The following ABAT variants were observed in gnomAD, a reference collection of about 807,000 sequenced individuals.
ABAT encodes 4-aminobutyrate aminotransferase.
A neutral mutation model predicts 64.6 loss-of-function variants in ABAT; 45 were observed. That is an observed-to-expected ratio of 0.70 (90% CI 0.55 to 0.89). The LOEUF (loss-of-function observed/expected upper bound fraction) is 0.89. Ranked by LOEUF, ABAT falls within the 40% of genes least tolerant of loss-of-function variation. The pLI, the probability that ABAT is intolerant of heterozygous loss-of-function variation, is 0.00. For missense variants in ABAT, 633 were observed against 658.4 expected (o/e 0.96, Z 0.42); for synonymous variants, 297 against 250.5 (o/e 1.19, Z -1.75).
intron 1 of ABAT, among the ~76,000 whole-genome samples, chr16:8,688,000 G>A (rs746291369): frequency 3.3e-5 from 5 of 151,962 alleles, no homozygotes; most frequent in African/African-American, 7.3e-5. Context: ...TAGGCTCAAG[G>A]GATCCTCCTG....
At chr16:8,733,134 C>T (rs967997486) in intron 1 of ABAT, among the ~76,000 whole-genome samples, 1 of 150,344 alleles carries the variant, frequency 6.7e-6, no homozygotes, top group South Asian at 2.1e-4. Context: ...CTGACCCCCC[C>T]CCACCTCCCT....
chr16:8,718,618 G>C (rs1410271952), intron 1 of ABAT, among the ~76,000 whole-genome samples: 1 of 152,184 alleles, frequency 6.6e-6, no homozygotes, highest in African/African-American at 2.4e-5. Flanking sequence ...GCTTCCCAGA[G>C]CTGGTCTCTG....
chr16:8,710,923 G>T (rs772748495), intron 1 of ABAT, among the ~76,000 whole-genome samples: 9 of 152,162 alleles, frequency 5.9e-5, no homozygotes, highest in African/African-American at 2.4e-5. Context: ...ATTACAACCA[G>T]CAACCAACAT....
chr16:8,711,772 A>ATGGATGGGTGGATGGATGGGAGGATGGG (rs1567279795), intron 1 of ABAT, among the ~76,000 whole-genome samples: 1 of 122,736 alleles, frequency 8.1e-6, no homozygotes, highest in Admixed American at 8.5e-5. Context: ...AGATGGATGG[A>ATGGATGGGTGGATGGATGGGAGGATGGG]TGGATGGATG....
intron 2 of ABAT, chr16:8,738,381 C>T: frequency 2.2e-6 from 1 of 455,500 alleles, no homozygotes; most frequent in Admixed American, 2.4e-5. Context: ...TACCATTAAC[C>T]AAACTCCAGA....
chr16:8,703,103 G>C (rs76849483), intron 1 of ABAT, among the ~76,000 whole-genome samples: 2,147 of 151,994 alleles, frequency 0.014, 49 homozygotes, highest in African/African-American at 0.049. Flanking sequence ...TATATGAAAG[G>C]ATACTGGCTT....
At chr16:8,755,179 G>A (rs72770141) in intron 5 of ABAT, among the ~76,000 whole-genome samples, 8 of 151,896 alleles carry the variant, frequency 5.3e-5, no homozygotes, top group Non-Finnish European at 7.4e-5. Flanking sequence ...TCAAGTCCTG[G>A]TTGGCCCCAC....
chr16:8,715,465 T>C (rs754310167), intron 1 of ABAT: 1 of 151,418 alleles, frequency 6.6e-6, no homozygotes, highest in Admixed American at 6.6e-5. Context: ...AAAAAATAAA[T>C]ATAAAAATAA....
intron 5 of ABAT, among the ~76,000 whole-genome samples, chr16:8,756,588 T>G (rs147527094): frequency 6.6e-6 from 1 of 152,188 alleles, no homozygotes; most frequent in Admixed American, 6.5e-5. Context: ...AGAAGCAACC[T>G]GCTTCTTCTA....
intron 1 of ABAT, among the ~76,000 whole-genome samples, chr16:8,679,737 T>C (rs1379924171): frequency 6.6e-6 from 1 of 151,972 alleles, no homozygotes; most frequent in African/African-American, 2.4e-5. Context: ...CAGTGGGGGC[T>C]CCTGAGGCCC....
intron 1 of ABAT, among the ~76,000 whole-genome samples, chr16:8,687,625 A>G (rs1188506979): frequency 6.6e-6 from 1 of 152,148 alleles, no homozygotes; most frequent in Non-Finnish European, 1.5e-5. Context: ...AAATCAGATC[A>G]TTTGCGGGTC....
chr16:8,766,648 C>G (rs2059954793), intron 9 of ABAT, among the ~76,000 whole-genome samples: 3 of 150,450 alleles, frequency 2.0e-5, no homozygotes, highest in Non-Finnish European at 4.4e-5. Flanking sequence ...GAGTGAGACT[C>G]CTCTCAAAAC....
intron 1 of ABAT, among the ~76,000 whole-genome samples, chr16:8,697,227 A>G (rs911820591): frequency 9.9e-5 from 15 of 152,192 alleles, no homozygotes; most frequent in African/African-American, 3.1e-4. Context: ...GGGACACAGC[A>G]GATGCATGGC....
intron 1 of ABAT, among the ~76,000 whole-genome samples, chr16:8,728,387 G>A (rs2058619904): frequency 6.6e-6 from 1 of 152,170 alleles, no homozygotes; most frequent in African/African-American, 2.4e-5. Flanking sequence ...AGTTCTCTGA[G>A]ACATTCGGAG....
intron 5 of ABAT, among the ~76,000 whole-genome samples, chr16:8,756,624 C>T (rs1339464384): frequency 1.3e-5 from 2 of 152,222 alleles, no homozygotes; most frequent in Admixed American, 6.5e-5. Flanking sequence ...CGTGCGTAAG[C>T]ATACACATAT....
At chr16:8,739,745 C>G (rs954908727) in intron 2 of ABAT, among the ~76,000 whole-genome samples, 6 of 118,250 alleles carry the variant, frequency 5.1e-5, no homozygotes, top group Non-Finnish European at 9.6e-5. Context: ...AATACAGGCA[C>G]AATGCAAAAA....
chr16:8,767,558 G>A (rs970657842), intron 9 of ABAT, among the ~76,000 whole-genome samples: 6 of 152,330 alleles, frequency 3.9e-5, no homozygotes, highest in Non-Finnish European at 7.3e-5. Context: ...GGAGGTAGGC[G>A]GGCAGTGGGT....
intron 1 of ABAT, among the ~76,000 whole-genome samples, chr16:8,686,015 A>ATT (rs2057447798): frequency 6.6e-6 from 1 of 152,194 alleles, no homozygotes. Context: ...CCAGGGGCAG[A>ATT]TTGCTGACCT....
chr16:8,702,309 A>G (rs1387608154), intron 1 of ABAT, among the ~76,000 whole-genome samples: 1 of 151,730 alleles, frequency 6.6e-6, no homozygotes, highest in South Asian at 2.1e-4. Context: ...CTGGAGTGCA[A>G]TGGCACGATC....
Sources: allele counts gnomAD v4.1 joint callset (sites outside exome capture counted in the v4.1 genomes callset), GRCh38; gene constraint gnomAD v4.1.1; transcripts MANE v1.5; gene names NCBI Gene and HGNC (gene_info 2026-07-23, HGNC 2026-07-21).